HMGCS2: variants seen among roughly 807,000 people sequenced by gnomAD.
The protein encoded by HMGCS2 is 3-hydroxy-3-methylglutaryl-CoA synthase 2.
A neutral mutation model predicts 57.4 loss-of-function variants in HMGCS2; 50 were observed. The observed-to-expected ratio is 0.87, with a 90% confidence interval of 0.69 to 1.10. HMGCS2 has a LOEUF of 1.10. Among genes scored for constraint, HMGCS2 ranks in the 50% least tolerant of loss-of-function variants. The pLI is 0.00. For synonymous variants in HMGCS2, 254 were observed against 245.1 expected (o/e 1.04, Z -0.34); for missense variants, 627 against 636.5 (o/e 0.99, Z 0.16).
chr1:119,768,849 A>C lies in HMGCS2; in HGVS notation c.-5T>G. The C allele has an allele frequency of 6.2e-7, 1 of 1,608,890 alleles. No homozygotes were observed. The highest frequency in any genetic ancestry group is 8.5e-7 in the Non-Finnish European group (1 of 1,175,428). On this transcript the variant is annotated 5_prime_UTR_variant, in exon 1 of 10. Coordinates refer to ENST00000369406, the MANE Select transcript of HMGCS2 (RefSeq NM_005518.4). ...TGGAGTCAACAGACGCTGCATCTCC[A>C]GAGGAGCAAGCAGAAACCCAGCAGT... is the stretch of plus-strand genomic sequence containing the variant.
At chr1:119,754,801 T>C (rs982823003) in intron 6 of HMGCS2, among the ~76,000 whole-genome samples, 1 of 152,286 alleles carries the variant, frequency 6.6e-6, no homozygotes, top group Non-Finnish European at 1.5e-5. Context: ...CTACTAAGTA[T>C]AGAGATTTTA....
chr1:119,768,553 T>G (rs1393266422), intron 1 of HMGCS2, among the ~76,000 whole-genome samples, 188 bp downstream of exon 1: 1 of 152,188 alleles, frequency 6.6e-6, no homozygotes. Flanking sequence ...CTCTTCTCAC[T>G]CTACAGCTGA....
chr1:119,753,409 A>C, intron 6 of HMGCS2, 23 bp from the exon 7 acceptor site: 1 of 865,090 alleles, frequency 1.2e-6, no homozygotes, highest in Non-Finnish European at 1.9e-6. Context: ...AAATCAAATA[A>C]AACACACACA....
Position 119,759,117 on chromosome 1 carries a change from C to G in HMGCS2, c.850+1G>C, listed in dbSNP as rs112412189. The G allele has an allele frequency of 1.2e-6, 2 of 1,614,160 alleles. No individual in the cohort carries two copies. Among genetic ancestry groups the G allele is most frequent in the Non-Finnish European group, 8.5e-7 (1 of 1,180,008 alleles). ...CACTTTCTGCCCTCTGAATCTCATA[C>G]CTTGCTTCCACTGATTCTGGATTTT... On this transcript the variant is annotated splice_donor_variant, in intron 4 of 9. Coordinates refer to ENST00000369406, the MANE Select transcript of HMGCS2 (RefSeq NM_005518.4). LOFTEE classifies it high-confidence loss of function.
intron 2 of HMGCS2, among the ~76,000 whole-genome samples, chr1:119,761,621 C>T (rs1393187484): frequency 4.0e-5 from 6 of 151,804 alleles, no homozygotes; most frequent in African/African-American, 1.2e-4. Flanking sequence ...AAAAATGAGC[C>T]GGGTGTGGTG....
chr1:119,756,363 CT>C (rs1652838268), intron 5 of HMGCS2, among the ~76,000 whole-genome samples: 1 of 151,990 alleles, frequency 6.6e-6, no homozygotes, highest in Non-Finnish European at 1.5e-5. Flanking sequence ...TTGATAATAT[CT>C]TTATATATTA....
intron 1 of HMGCS2, among the ~76,000 whole-genome samples, chr1:119,764,827 A>G (rs1166805772): frequency 1.3e-5 from 2 of 152,184 alleles, no homozygotes; most frequent in African/African-American, 4.8e-5. Flanking sequence ...TCTTTGTGAT[A>G]TTCTTGGCAT....
At chr1:119,761,031 C>T (rs1653019246) in intron 2 of HMGCS2, among the ~76,000 whole-genome samples, 1 of 151,572 alleles carries the variant, frequency 6.6e-6, no homozygotes, top group African/African-American at 2.4e-5. Flanking sequence ...CCAACTCCAA[C>T]ATCAACGAAA....
intron 9 of HMGCS2, among the ~76,000 whole-genome samples, chr1:119,750,584 GGTTAAT>G (rs1652621337): frequency 6.6e-6 from 1 of 152,102 alleles, no homozygotes; most frequent in African/African-American, 2.4e-5. Flanking sequence ...TCCCTGGCCT[GGTTAAT>G]GTTCCCAAAC....
intron 3 of HMGCS2, among the ~76,000 whole-genome samples, chr1:119,759,611 C>A: frequency 6.6e-6 from 1 of 152,258 alleles, no homozygotes; most frequent in African/African-American, 2.4e-5. Context: ...AGATTCCTCA[C>A]CATCATCTGC....
intron 1 of HMGCS2, among the ~76,000 whole-genome samples, chr1:119,766,920 TC>T (rs1653250166): frequency 1.3e-5 from 2 of 152,192 alleles, no homozygotes; most frequent in Admixed American, 1.3e-4. Context: ...GTTAAGAGTA[TC>T]CTTCTCATCT....
intron 2 of HMGCS2, among the ~76,000 whole-genome samples, chr1:119,760,915 C>G (rs1653015610): frequency 6.6e-6 from 1 of 151,892 alleles, no homozygotes; most frequent in Non-Finnish European, 1.5e-5. Flanking sequence ...AAGCCACTTG[C>G]CCAAAAACCA....
downstream of HMGCS2, chr1:119,747,999 A>G (rs959472145): frequency 6.6e-6 from 1 of 152,254 alleles, no homozygotes; most frequent in African/African-American, 2.4e-5. Flanking sequence ...CCAGGCATCA[A>G]AATTTATTTA....
rs1254329985 is a variant in HMGCS2, at chr1:119,748,304, G to A, written c.*543C>T. 6.6e-6 allele frequency: 1 copy of A among 152,226 alleles called. No homozygotes were observed. Among genetic ancestry groups the A allele is most frequent in the Non-Finnish European group, 1.5e-5 (1 of 68,042 alleles). The allele number at this position is 152,226 out of a possible 1,614,324, so 9.4% of individuals were successfully genotyped here. A position where few individuals can be genotyped will look rare whatever the true frequency, so the allele number is the denominator to read the frequency against. On this transcript the variant is annotated 3_prime_UTR_variant, in exon 10 of 10. Coordinates refer to ENST00000369406, the MANE Select transcript of HMGCS2 (RefSeq NM_005518.4). ...CTGTGAGGCAAGGACCCAGCCCTCT[G>A]ACCCACAAGGTCTAGCAGGCTTGCT...
At chr1:119,767,411 C>T (rs587681043) in intron 1 of HMGCS2, among the ~76,000 whole-genome samples, 8 of 152,234 alleles carry the variant, frequency 5.3e-5, no homozygotes, top group Non-Finnish European at 7.4e-5. Context: ...CAGGGGGTGA[C>T]TGAACAAGTA....
chr1:119,767,810 A>G (rs1653285650), intron 1 of HMGCS2, among the ~76,000 whole-genome samples: 1 of 152,214 alleles, frequency 6.6e-6, no homozygotes, highest in African/African-American at 2.4e-5. Context: ...CTTCACAAAT[A>G]TAGAAACAGG....
chr1:119,767,589 G>T (rs1004396474), intron 1 of HMGCS2, among the ~76,000 whole-genome samples: 17 of 152,198 alleles, frequency 1.1e-4, no homozygotes, highest in Admixed American at 2.0e-4. Context: ...GATTAAAGGC[G>T]ATTAGACATA....
chr1:119,752,549 C>T lies in HMGCS2; in HGVS notation c.1420G>A (p.Val474Met), dbSNP rs1428518237. The T allele has an allele frequency of 1.9e-6, 3 of 1,613,846 alleles. No individual in the cohort carries two copies. The highest frequency in any genetic ancestry group is 2.5e-6 in the Non-Finnish European group (3 of 1,179,876). ...MNQREQFYHKVNFSPPGDTNS... is the reference protein window; with the variant it reads ...MNQREQFYHKMNFSPPGDTNS... ...CCTCTCTTCCTGACTTTTTTCTTAC[C>T]CTTATGGTAGAATTGCTCTCTTTGG... is the stretch of plus-strand genomic sequence containing the variant. The change falls in exon 8 of 10, where the codon GTG (valine) becomes ATG (methionine). Residue 474 changes from valine to methionine, a missense_variant and splice_region_variant. Transcript: ENST00000369406.
intron 2 of HMGCS2, among the ~76,000 whole-genome samples, chr1:119,761,606 A>G (rs1223338135): frequency 6.6e-6 from 1 of 152,114 alleles, no homozygotes; most frequent in Non-Finnish European, 1.5e-5. Flanking sequence ...TCTACTAAAA[A>G]TACAAAAAAT....
Sources: gnomAD v4.1 joint callset for allele counts (sites outside exome capture counted in the v4.1 genomes callset) on GRCh38, gnomAD v4.1.1 for gene constraint, MANE v1.5 for transcripts, NCBI Gene and HGNC (gene_info 2026-07-23, HGNC 2026-07-21) for gene names.